BMPER: variants seen among roughly 807,000 people sequenced by gnomAD.
BMPER encodes BMP binding endothelial regulator, also known as BMP-binding endothelial regulator protein.
A neutral mutation model predicts 87.3 loss-of-function variants in BMPER; 45 were observed. The observed-to-expected ratio is 0.52, with a 90% CI of 0.41 to 0.66. The LOEUF (loss-of-function observed/expected upper bound fraction) is 0.66. Among genes scored for constraint, BMPER ranks in the 30% least tolerant of loss-of-function variants. BMPER has a pLI of 0.00. For missense variants in BMPER, 784 were observed against 867.5 expected, an observed-to-expected ratio of 0.90 and a Z score of 1.21; for synonymous variants, 326 against 316.2, an observed-to-expected ratio of 1.03 and a Z score of -0.33.
At chr7:34,007,074 G>A (rs111571731) in intron 6 of BMPER, among the ~76,000 whole-genome samples, 4,748 of 152,162 alleles carry the variant, frequency 0.031, 101 homozygotes, top group Non-Finnish European at 0.047. Flanking sequence ...AGGGCAATAA[G>A]CCTTGCCTTC....
intron 13 of BMPER, among the ~76,000 whole-genome samples, chr7:34,101,008 C>T (rs1271705798): frequency 6.6e-6 from 1 of 152,154 alleles, no homozygotes; most frequent in African/African-American, 2.4e-5. Context: ...CCAGGCCCCA[C>T]CCCAGGCCCC....
chr7:34,113,813 G>T (rs565478191), intron 13 of BMPER, among the ~76,000 whole-genome samples: 1 of 152,166 alleles, frequency 6.6e-6, no homozygotes, highest in African/African-American at 2.4e-5. Context: ...TGTTTGGTGA[G>T]GGGTGTAATT....
At chr7:34,149,124 C>T (rs1343070354) in intron 14 of BMPER, among the ~76,000 whole-genome samples, 1 of 152,120 alleles carries the variant, frequency 6.6e-6, no homozygotes, top group Non-Finnish European at 1.5e-5. Flanking sequence ...CTCAAGAGCC[C>T]AGGCCTCATC....
chr7:34,081,643 T>C (rs756484115), intron 12 of BMPER, among the ~76,000 whole-genome samples: 4 of 152,250 alleles, frequency 2.6e-5, no homozygotes, highest in Non-Finnish European at 4.4e-5. Context: ...AAATATTTCC[T>C]TTCTACCATC....
At chr7:34,113,095 C>A (rs2127986770) in intron 13 of BMPER, among the ~76,000 whole-genome samples, 1 of 151,398 alleles carries the variant, frequency 6.6e-6, no homozygotes, top group South Asian at 2.1e-4. Context: ...TTGCATGCAC[C>A]CTGCCAACAC....
At chr7:33,967,251 T>C (rs1449429273) in intron 4 of BMPER, among the ~76,000 whole-genome samples, 1 of 152,244 alleles carries the variant, frequency 6.6e-6, no homozygotes, top group Non-Finnish European at 1.5e-5. Flanking sequence ...ATTATGCTCA[T>C]CTAATTTTGA....
At chr7:33,905,090 T>C (rs1317776012), upstream of BMPER, 2 of 167,442 alleles carry the variant, frequency 1.2e-5, no homozygotes, top group African/African-American at 4.8e-5. Context: ...CCACGTCTGT[T>C]GCGGCGGAGC....
At chr7:33,977,809 G>A (rs765722689) in intron 6 of BMPER, among the ~76,000 whole-genome samples, 1 of 152,024 alleles carries the variant, frequency 6.6e-6, no homozygotes. Flanking sequence ...AAATACAAAT[G>A]CAAACATACA....
At chr7:34,133,072 G>A (rs1790634740) in intron 13 of BMPER, among the ~76,000 whole-genome samples, 2 of 152,154 alleles carry the variant, frequency 1.3e-5, no homozygotes, top group Admixed American at 1.3e-4. Context: ...AGTGAGAGAT[G>A]CAGAGCTTCT....
chr7:33,980,138 G>A (rs1054050604), intron 6 of BMPER, among the ~76,000 whole-genome samples: 2 of 152,184 alleles, frequency 1.3e-5, no homozygotes, highest in Non-Finnish European at 2.9e-5. Context: ...CTCAGAAAAT[G>A]CAGTGCTTTC....
chr7:34,069,015 A>C (rs1167597153), intron 11 of BMPER, among the ~76,000 whole-genome samples: 1 of 152,364 alleles, frequency 6.6e-6, no homozygotes, highest in South Asian at 2.1e-4. Context: ...ACATAGTTCA[A>C]TTAAAAGCTA....
chr7:34,115,922 A>T (rs1443283512), intron 13 of BMPER, among the ~76,000 whole-genome samples: 1 of 152,236 alleles, frequency 6.6e-6, no homozygotes, highest in Non-Finnish European at 1.5e-5. Context: ...AGTTTTCCAA[A>T]GTGGCTGCTC....
intron 6 of BMPER, among the ~76,000 whole-genome samples, chr7:34,011,814 G>T (rs995116291): frequency 5.3e-5 from 8 of 151,738 alleles, no homozygotes; most frequent in Non-Finnish European, 8.8e-5. Context: ...AGTGCTTGGG[G>T]TTTTTAAGCC....
intron 6 of BMPER, among the ~76,000 whole-genome samples, chr7:34,024,375 AAAAAAAACAATATAT>A (rs1562695093): frequency 1.1e-5 from 1 of 93,534 alleles, no homozygotes; most frequent in African/African-American, 5.2e-5. Flanking sequence ...AAAAAAAAAA[AAAAAAAACAATATAT>A]ATATATATAT....
chr7:34,025,861 G>T (rs753694311), intron 6 of BMPER, among the ~76,000 whole-genome samples: 1 of 151,984 alleles, frequency 6.6e-6, no homozygotes, highest in Non-Finnish European at 1.5e-5. Context: ...CTGCCTGTTC[G>T]TTTTTTGCAT....
intron 11 of BMPER, among the ~76,000 whole-genome samples, chr7:34,076,020 C>G (rs568549824): frequency 2.6e-4 from 40 of 152,302 alleles, no homozygotes; most frequent in African/African-American, 9.6e-4. Context: ...TTGTTGGCCT[C>G]TTCAATATTG....
At chr7:34,083,799 C>G (rs1300718458) in intron 12 of BMPER, among the ~76,000 whole-genome samples, 2 of 152,056 alleles carry the variant, frequency 1.3e-5, no homozygotes, top group Non-Finnish European at 1.5e-5. Flanking sequence ...CTCTCTCTCT[C>G]CTTCCCTCCC....
intron 13 of BMPER, among the ~76,000 whole-genome samples, chr7:34,126,201 C>A (rs1790397520): frequency 6.6e-6 from 1 of 152,190 alleles, no homozygotes; most frequent in African/African-American, 2.4e-5. Context: ...CACCCCTTCT[C>A]CAGTTAGCCT....
chr7:34,085,905 G>A lies in BMPER; in HGVS notation c.1558G>A (p.Asp520Asn). 6.2e-7 allele frequency: 1 copy of A among 1,614,174 alleles called. No individual in the cohort carries two copies. The highest frequency in any genetic ancestry group is 8.5e-7 in the Non-Finnish European group (1 of 1,180,036). The change falls in exon 13 of 15, where the codon GAT becomes AAT. Residue 520 changes from aspartate (D) to asparagine (N), a missense_variant. Transcript: ENST00000649409. The part of the protein sequence containing the change: ...GGDGNFKFDV[D>N]DFAESWRVES... ...AGATGGAAACTTCAAGTTTGATGTG[G>A]ATGACTTTGCTGAATCTTGGAGGGT...
Sources: gnomAD v4.1 joint callset for allele counts (sites outside exome capture counted in the v4.1 genomes callset) on GRCh38, gnomAD v4.1.1 for gene constraint, MANE v1.5 for transcripts, NCBI Gene and HGNC (gene_info 2026-07-23, HGNC 2026-07-21) for gene names.